The following SMCHD1 variants were observed in gnomAD, a reference collection of about 807,000 sequenced individuals.
SMCHD1 encodes structural maintenance of chromosomes flexible hinge domain containing 1, also known as structural maintenance of chromosomes flexible hinge domain-containing protein 1.
Under a neutral mutation model 254.7 loss-of-function variants are expected in SMCHD1, and 78 were observed. The observed-to-expected ratio is 0.31, with a 90% confidence interval of 0.26 to 0.37. The LOEUF (loss-of-function observed/expected upper bound fraction) is 0.37, where lower values mean the gene tolerates loss of function less well. SMCHD1 is among the 10% of genes least tolerant of loss of function. The probability of loss-of-function intolerance (pLI) is 1.00; values close to 1 mark genes in which losing one functional copy is unlikely to be tolerated. For missense variants in SMCHD1, 1,840 were observed against 2,408.1 expected (o/e 0.76, Z 4.94); for synonymous variants, 766 against 794.9 (o/e 0.96, Z 0.61).
At position 2,718,014 on chromosome 18, in the gene SMCHD1, A is replaced by G; in HGVS notation, c.2261-144A>G. ...ACTATTATTATTGCTGTTCACTTTC[A>G]TAGGATAGTGTTAGATCTTTTGAAG... On this transcript the variant is annotated intron_variant, in intron 17 of 47. Transcript: ENST00000320876. This position sits in a 1 kb window ranked among gnomAD's most constrained non-coding sequence, Gnocchi z 4.6. 1.7e-6 allele frequency: 1 copy of G among 589,644 alleles called. No homozygotes were observed. The highest frequency in any genetic ancestry group is 3.0e-6 in the Non-Finnish European group (1 of 336,874). The allele number at this position is 589,644 out of a possible 1,614,324, so 36.5% of individuals were successfully genotyped here.
chr18:2,745,295 A>T lies in SMCHD1; in HGVS notation c.3801+1367A>T, dbSNP rs185010518. ...CATTCTCGCAAAGTTCTGGGATTACAGGTGTGAGCCACCGTTCCCAGCCCA... is the reference window on the plus strand; with the variant it reads ...CATTCTCGCAAAGTTCTGGGATTACTGGTGTGAGCCACCGTTCCCAGCCCA... On this transcript the variant is annotated intron_variant, in intron 29 of 47. Coordinates refer to ENST00000320876, the MANE Select transcript of SMCHD1 (RefSeq NM_015295.3). Among the ~76,000 whole-genome samples, 19 of 152,332 alleles carry T rather than the reference A, an allele frequency of 1.2e-4. No homozygotes were observed. In the East Asian group the frequency reaches 1.9e-3, roughly 15 times the overall value.
chr18:2,731,050 A>T (rs548717110), intron 24 of SMCHD1, among the ~76,000 whole-genome samples: 1 of 152,240 alleles, frequency 6.6e-6, no homozygotes, highest in Non-Finnish European at 1.5e-5. Flanking sequence ...ACAAATGCCA[A>T]CGTAAATCCT....
chr18:2,712,820 C>T (rs761140102), intron 17 of SMCHD1, among the ~76,000 whole-genome samples: 38 of 152,256 alleles, frequency 2.5e-4, no homozygotes, highest in Admixed American at 9.2e-4. Context: ...ATATCACTCA[C>T]CTGTTTTATA....
At chr18:2,737,425 A>G (rs911112351) in intron 25 of SMCHD1, among the ~76,000 whole-genome samples, 8 of 152,216 alleles carry the variant, frequency 5.3e-5, no homozygotes, top group Non-Finnish European at 2.9e-5. Flanking sequence ...TAAAAAGACT[A>G]TTAGTGATTT....
At position 2,707,556 on chromosome 18, in the gene SMCHD1, A is replaced by G; in HGVS notation, c.2064-7A>G. 6.3e-7 allele frequency: 1 copy of G among 1,581,074 alleles called. No individual in the cohort carries two copies. The highest frequency in any genetic ancestry group is 8.6e-7 in the Non-Finnish European group (1 of 1,160,716). ...TGTGGAACATTAATATGCTGGTTTC[A>G]TAACAGGCTCCCTGATAGATTGTCA... is the stretch of plus-strand genomic sequence containing the variant. On this transcript the variant is annotated splice_polypyrimidine_tract_variant and splice_region_variant and intron_variant, in intron 15 of 47. Transcript: ENST00000320876.
At chr18:2,802,410 A>T in intron 47 of SMCHD1, 118 bp from the exon 48 acceptor site, 1 of 730,528 alleles carries the variant, frequency 1.4e-6, no homozygotes, top group Non-Finnish European at 2.2e-6. Flanking sequence ...TTATACCAAG[A>T]ATTATATTTA....
At chr18:2,757,365 C>T (rs2075701352) in intron 34 of SMCHD1, among the ~76,000 whole-genome samples, 1 of 151,422 alleles carries the variant, frequency 6.6e-6, no homozygotes, top group Non-Finnish European at 1.5e-5. Flanking sequence ...TGTGTGCCAC[C>T]ACACCCAGCT....
intron 44 of SMCHD1, among the ~76,000 whole-genome samples, chr18:2,783,619 C>T (rs1405681166): frequency 6.6e-6 from 1 of 151,838 alleles, no homozygotes; most frequent in African/African-American, 2.4e-5. Context: ...GTTGCCCAGG[C>T]TGGAGTGCAG....
chr18:2,750,929 A>C (rs1012121874), intron 32 of SMCHD1, among the ~76,000 whole-genome samples: 2 of 152,110 alleles, frequency 1.3e-5, no homozygotes, highest in African/African-American at 2.4e-5. Flanking sequence ...CAGGTGCCAA[A>C]TGAATGTTAC....
chr18:2,656,024 G>A lies in SMCHD1; in HGVS notation c.-52G>A. 1 of 1,299,688 alleles carries A rather than the reference G, an allele frequency of 7.7e-7. No homozygotes were observed. Among genetic ancestry groups the A allele is most frequent in the Non-Finnish European group, 9.8e-7 (1 of 1,022,216 alleles). 80.5% of individuals were successfully genotyped at this position (1,299,688 alleles called of 1,614,324 possible). Reference sequence around the variant, plus strand: ...GGCGCCGCGCGGAGCGCGCACCTCAGCCCTGAGCCCGGCGGCGGCAGGCGT... The same window carrying A: ...GGCGCCGCGCGGAGCGCGCACCTCAACCCTGAGCCCGGCGGCGGCAGGCGT... On this transcript the variant is annotated 5_prime_UTR_variant, in exon 1 of 48. Transcript: ENST00000320876.
At chr18:2,680,403 G>A (rs574148171) in intron 5 of SMCHD1, among the ~76,000 whole-genome samples, 2 of 152,294 alleles carry the variant, frequency 1.3e-5, no homozygotes, top group South Asian at 2.1e-4. Flanking sequence ...TACCCTTGAA[G>A]TTTCTGATTA....
chr18:2,752,542 T>G lies in SMCHD1; in HGVS notation c.4336T>G (p.Phe1446Val), dbSNP rs1409900210. ...AGATAATGACAAAGAAGATGGCTGC[T>G]TCTATTTCAGGTATTTCTCAAAACA... ...IKDNDKEDGC[F>V]YFRDKVIPNK... The change falls in exon 34 of 48, where the codon TTC becomes GTC. Residue 1446 changes from phenylalanine (F) to valine (V), a missense_variant. Transcript: ENST00000320876. 1 of 1,575,490 alleles carries G rather than the reference T, an allele frequency of 6.3e-7. No homozygotes were observed. The highest frequency in any genetic ancestry group is 2.2e-5 in the East Asian group (1 of 44,520).
intron 10 of SMCHD1, 37 bp downstream of exon 10, chr18:2,698,078 G>T (rs2074321473): frequency 6.7e-7 from 1 of 1,500,934 alleles, no homozygotes; most frequent in Non-Finnish European, 9.2e-7. Flanking sequence ...AAAATATGAA[G>T]TTGTAATTTA....
chr18:2,664,192 C>T (rs182406006), intron 1 of SMCHD1, among the ~76,000 whole-genome samples: 1 of 152,238 alleles, frequency 6.6e-6, no homozygotes, highest in Admixed American at 6.5e-5. Flanking sequence ...TAGGTCATTT[C>T]ACCCCATATA....
At chr18:2,748,477 TCTGCCTCCCAG>T (rs2075511390) in intron 30 of SMCHD1, among the ~76,000 whole-genome samples, 2 of 118,426 alleles carry the variant, frequency 1.7e-5, no homozygotes, top group Admixed American at 9.7e-5. Context: ...CACTGCAACC[TCTGCCTCCCAG>T]GTTCAAAGCA....
intron 33 of SMCHD1, 107 bp downstream of exon 33, chr18:2,751,500 G>A: frequency 3.1e-6 from 2 of 636,616 alleles, no homozygotes; most frequent in East Asian, 3.4e-5. Flanking sequence ...TTTGAGAAAT[G>A]GAAGTGAATT....
At chr18:2,802,188 C>T (rs2076375398) in intron 47 of SMCHD1, among the ~76,000 whole-genome samples, 1 of 151,814 alleles carries the variant, frequency 6.6e-6, no homozygotes, top group Non-Finnish European at 1.5e-5. Context: ...ATTATAATTC[C>T]TGTTCTTAAA....
At chr18:2,696,137 T>A (rs2074280626) in intron 8 of SMCHD1, among the ~76,000 whole-genome samples, 1 of 151,884 alleles carries the variant, frequency 6.6e-6, no homozygotes, top group South Asian at 2.1e-4. Flanking sequence ...AATAAAGAGG[T>A]GTTATTTCCA....
intron 46 of SMCHD1, 136 bp downstream of exon 46, chr18:2,796,243 AT>A: frequency 1.1e-6 from 1 of 900,688 alleles, no homozygotes; most frequent in East Asian, 2.7e-5. Context: ...TCCAAGTCCT[AT>A]CTGATAAATG....
Sources: allele counts gnomAD v4.1 joint callset (sites outside exome capture counted in the v4.1 genomes callset), GRCh38; gene constraint gnomAD v4.1.1; non-coding constraint Gnocchi (gnomAD v3.1); transcripts MANE v1.5; gene names NCBI Gene and HGNC (gene_info 2026-07-23, HGNC 2026-07-21).